SLC36A1: variants seen among roughly 807,000 people sequenced by gnomAD.
SLC36A1 encodes the protein proton-coupled amino acid transporter 1.
Under a neutral mutation model 47.5 loss-of-function variants are expected in SLC36A1, and 30 were observed. The ratio of observed to expected loss-of-function variants is 0.63; its 90% confidence interval spans 0.47 to 0.86. SLC36A1 has a LOEUF of 0.86. Among genes scored for constraint, SLC36A1 ranks in the 40% least tolerant of loss-of-function variants. The probability of loss-of-function intolerance (pLI) is 0.00; values close to 1 mark genes in which losing one functional copy is unlikely to be tolerated. For synonymous variants in SLC36A1, 255 were observed against 249.7 expected (o/e 1.02, Z -0.20); for missense variants, 517 against 606.0 (o/e 0.85, Z 1.54).
At chr5:151,407,913 T>A in the SLC36A1 span, among the ~76,000 whole-genome samples, 2 of 152,200 alleles carry the variant, frequency 1.3e-5, no homozygotes, top group African/African-American at 4.8e-5. Context: ...ATAAAGTTCC[T>A]CCTCTAATAA....
In SLC36A1 at chr5:151,465,061, C is replaced by G. The variant is rs1262213892; in HGVS notation, c.324-13C>G. 1 of 1,603,342 alleles carries G rather than the reference C, an allele frequency of 6.2e-7. No homozygotes were observed. Among genetic ancestry groups the G allele is most frequent in the African/African-American group, 1.3e-5 (1 of 74,718 alleles). On this transcript the variant is annotated splice_polypyrimidine_tract_variant and intron_variant, in intron 4 of 10. Coordinates refer to ENST00000243389, the MANE Select transcript of SLC36A1 (RefSeq NM_078483.4). ...ACGTGCTCTGTCCTTCCTCTTCCCT[C>G]CTACTCTTCCAGGCTGAATAAATCC...
the SLC36A1 span, among the ~76,000 whole-genome samples, chr5:151,386,034 G>A: frequency 1.3e-5 from 2 of 151,616 alleles, no homozygotes; most frequent in African/African-American, 2.4e-5. Flanking sequence ...ACCACGTCTC[G>A]CTAACTTTTT....
the SLC36A1 span, among the ~76,000 whole-genome samples, chr5:151,424,839 G>A: frequency 6.6e-6 from 1 of 151,414 alleles, no homozygotes; most frequent in African/African-American, 2.4e-5. Flanking sequence ...AGCTAGAGAG[G>A]GAGTGACTGT....
the SLC36A1 span, chr5:151,544,559 T>C: frequency 1.9e-6 from 3 of 1,613,922 alleles, no homozygotes; most frequent in South Asian, 2.2e-5. Context: ...GTGTGGAGAA[T>C]TGGGGTATAG....
chr5:151,498,806 A>G, the SLC36A1 span, among the ~76,000 whole-genome samples: 1 of 152,182 alleles, frequency 6.6e-6, no homozygotes, highest in East Asian at 1.9e-4. Context: ...TTTAAGACCC[A>G]GCTCAGATGG....
intron 10 of SLC36A1, among the ~76,000 whole-genome samples, chr5:151,486,693 G>A (rs528880035): frequency 2.0e-5 from 3 of 152,314 alleles, no homozygotes; most frequent in Admixed American, 1.3e-4. Context: ...CATATAAAAT[G>A]TAACCCTCTC....
chr5:151,362,477 G>T, the SLC36A1 span, among the ~76,000 whole-genome samples: 1 of 143,086 alleles, frequency 7.0e-6, no homozygotes, highest in Admixed American at 7.3e-5. Context: ...TGCAACCTCC[G>T]CCTCCTAAGT....
chr5:151,520,469 T>C, the SLC36A1 span, among the ~76,000 whole-genome samples: 1 of 152,126 alleles, frequency 6.6e-6, no homozygotes. Context: ...GGTAGGGCTG[T>C]GGTGCCGATT....
At chr5:151,450,112 A>G (rs534027577) in intron 1 of SLC36A1, among the ~76,000 whole-genome samples, 4 of 151,770 alleles carry the variant, frequency 2.6e-5, no homozygotes, top group Non-Finnish European at 5.9e-5. Context: ...GCAGATGTCC[A>G]CTTATTAGCA....
chr5:151,454,400 G>C (rs554966948), intron 1 of SLC36A1, among the ~76,000 whole-genome samples: 102 of 152,132 alleles, frequency 6.7e-4, no homozygotes, highest in Non-Finnish European at 1.1e-3. Flanking sequence ...GACAGACAGA[G>C]AGCAGGAGGA....
At chr5:151,352,488 A>G in the SLC36A1 span, among the ~76,000 whole-genome samples, 1 of 152,194 alleles carries the variant, frequency 6.6e-6, no homozygotes, top group East Asian at 1.9e-4. Flanking sequence ...TGGCTGCTCT[A>G]ACAAATTGCC....
intron 10 of SLC36A1, among the ~76,000 whole-genome samples, chr5:151,487,413 C>T (rs907263966): frequency 2.6e-5 from 4 of 152,192 alleles, no homozygotes; most frequent in African/African-American, 9.7e-5. Flanking sequence ...ATACGGTCGT[C>T]GTGTGGGGCT....
chr5:151,479,027 C>G (rs1032687325), intron 9 of SLC36A1, among the ~76,000 whole-genome samples: 1 of 152,180 alleles, frequency 6.6e-6, no homozygotes, highest in African/African-American at 2.4e-5. Flanking sequence ...AAAAGCTATA[C>G]GGGGGCACCA....
the SLC36A1 span, among the ~76,000 whole-genome samples, chr5:151,515,822 C>T: frequency 6.6e-6 from 1 of 152,206 alleles, no homozygotes; most frequent in Non-Finnish European, 1.5e-5. Flanking sequence ...AAAGTCGATT[C>T]TCAACAAAGA....
intron 1 of SLC36A1, among the ~76,000 whole-genome samples, chr5:151,438,433 T>C (rs1473723642): frequency 6.6e-6 from 1 of 152,094 alleles, no homozygotes; most frequent in Non-Finnish European, 1.5e-5. Context: ...TCTAGCTACC[T>C]TAGGACCCAC....
intron 1 of SLC36A1, among the ~76,000 whole-genome samples, chr5:151,441,695 T>C (rs1752640928): frequency 6.6e-6 from 1 of 152,222 alleles, no homozygotes; most frequent in Non-Finnish European, 1.5e-5. Context: ...TTTCAATTTA[T>C]ATATTTCTAT....
the SLC36A1 span, among the ~76,000 whole-genome samples, chr5:151,537,340 AAAGAAAAG>A: frequency 2.2e-5 from 3 of 134,900 alleles, no homozygotes; most frequent in Admixed American, 7.3e-5. Context: ...AAAGAAAAGA[AAAGAAAAG>A]AAAAAAGAAG....
At chr5:151,520,702 T>C in the SLC36A1 span, among the ~76,000 whole-genome samples, 1 of 151,928 alleles carries the variant, frequency 6.6e-6, no homozygotes, top group Admixed American at 6.6e-5. Flanking sequence ...GCTCAGAGGG[T>C]TTTAACAATA....
chr5:151,515,383 T>C, the SLC36A1 span, among the ~76,000 whole-genome samples: 1 of 152,188 alleles, frequency 6.6e-6, no homozygotes, highest in African/African-American at 2.4e-5. Flanking sequence ...TCCCATCTCA[T>C]GGCTTTCAGT....
Sources: gnomAD v4.1 joint callset for allele counts (sites outside exome capture counted in the v4.1 genomes callset) on GRCh38, gnomAD v4.1.1 for gene constraint, MANE v1.5 for transcripts, NCBI Gene and HGNC (gene_info 2026-07-23, HGNC 2026-07-21) for gene names.